KDM4B: variants seen among roughly 807,000 people sequenced by gnomAD.
KDM4B encodes the protein lysine-specific demethylase 4B.
In KDM4B, 32 loss-of-function variants were observed where a neutral mutation model predicts 125.2. That is an observed-to-expected ratio of 0.26 (90% CI 0.19 to 0.34). The LOEUF (loss-of-function observed/expected upper bound fraction) is 0.34, where lower values mean the gene tolerates loss of function less well. KDM4B is among the 10% of genes least tolerant of loss of function. KDM4B has a pLI of 1.00. For synonymous variants in KDM4B, 721 were observed against 677.9 expected, an observed-to-expected ratio of 1.06 and a Z score of -0.99; for missense variants, 1,190 against 1,577.7, an observed-to-expected ratio of 0.75 and a Z score of 4.16.
chr19:5,077,677 G>A (rs2038161970), intron 8 of KDM4B: 2 of 558,170 alleles, frequency 3.6e-6, no homozygotes, highest in East Asian at 6.1e-5. Context: ...CTTGAATCTG[G>A]CGGGGTGTTA....
At chr19:4,980,296 T>C in intron 1 of KDM4B, among the ~76,000 whole-genome samples, 1 of 152,040 alleles carries the variant, frequency 6.6e-6, no homozygotes, top group Non-Finnish European at 1.5e-5. Flanking sequence ...TGGCCTGTCC[T>C]GAACATTTCA....
intron 2 of KDM4B, among the ~76,000 whole-genome samples, chr19:5,032,008 G>A (rs570162481): frequency 9.2e-5 from 14 of 152,308 alleles, no homozygotes; most frequent in South Asian, 2.1e-4. Flanking sequence ...GGATTCTGTC[G>A]TCTTTCTGCC....
At chr19:5,102,598 C>T (rs907312636) in intron 9 of KDM4B, among the ~76,000 whole-genome samples, 7 of 152,148 alleles carry the variant, frequency 4.6e-5, no homozygotes, top group African/African-American at 1.7e-4. Flanking sequence ...TCTGGGGCCA[C>T]TCCCGGTCTC....
intron 11 of KDM4B, among the ~76,000 whole-genome samples, chr19:5,123,535 C>G (rs990634092): frequency 6.6e-6 from 1 of 152,244 alleles, no homozygotes; most frequent in Non-Finnish European, 1.5e-5. Context: ...AGGTGGCACC[C>G]CAGGTCCGGG....
chr19:4,974,496 T>C (rs1431667370), intron 1 of KDM4B, among the ~76,000 whole-genome samples: 1 of 151,874 alleles, frequency 6.6e-6, no homozygotes, highest in African/African-American at 2.4e-5. Context: ...CCCAGCACTT[T>C]GAGAGGCCGA....
At chr19:5,004,603 T>C (rs1047493904) in intron 1 of KDM4B, among the ~76,000 whole-genome samples, 2 of 152,180 alleles carry the variant, frequency 1.3e-5, no homozygotes, top group Non-Finnish European at 1.5e-5. Flanking sequence ...GCCGTGCACG[T>C]TTCAGCTCCC....
chr19:5,134,451 C>T (rs2039613285), intron 14 of KDM4B, among the ~76,000 whole-genome samples: 1 of 152,158 alleles, frequency 6.6e-6, no homozygotes, highest in African/African-American at 2.4e-5. Flanking sequence ...GCCTGTCTAG[C>T]TGAGCTGGGC....
chr19:5,077,592 T>G lies in KDM4B; in HGVS notation c.780+122T>G. On this transcript the variant is annotated intron_variant, in intron 8 of 22. Transcript: ENST00000159111. ...CTGGAGAAGTTTCTAGAACAGTGAT[T>G]AGCATGCCAGAGGAGGGCCGCATGG... is the stretch of plus-strand genomic sequence containing the variant. The G allele has an allele frequency of 7.6e-6, 6 of 793,230 alleles. 1 individual carries two copies. In the South Asian group the frequency reaches 9.6e-5, roughly 13 times the overall value. The allele number at this position is 793,230 out of a possible 1,614,324, so 49.1% of individuals were successfully genotyped here.
At position 5,151,577 on chromosome 19, in the gene KDM4B, T is replaced by G; in HGVS notation, c.*66T>G. ...GCCATGGCATGCCCCGGGCGTTCGC[T>G]TGCTGTGAATTCCTGTCCTCGTGTC... On this transcript the variant is annotated 3_prime_UTR_variant, in exon 23 of 23. Coordinates refer to ENST00000159111, the MANE Select transcript of KDM4B (RefSeq NM_015015.3). The G allele has an allele frequency of 8.0e-7, 1 of 1,244,470 alleles. No homozygotes were observed. Among genetic ancestry groups the G allele is most frequent in the Non-Finnish European group, 1.0e-6 (1 of 979,574 alleles). The allele number at this position is 1,244,470 out of a possible 1,614,324, so 77.1% of individuals were successfully genotyped here. A position where few individuals can be genotyped will look rare whatever the true frequency, so the allele number is the denominator to read the frequency against.
intron 21 of KDM4B, among the ~76,000 whole-genome samples, chr19:5,145,671 C>T (rs1242401314): frequency 6.6e-6 from 1 of 152,160 alleles, no homozygotes; most frequent in African/African-American, 2.4e-5. Flanking sequence ...CTAGAAGCGT[C>T]GCTCCCAAGC....
At chr19:5,021,997 C>T (rs1323419003) in intron 2 of KDM4B, among the ~76,000 whole-genome samples, 1 of 152,126 alleles carries the variant, frequency 6.6e-6, no homozygotes, top group African/African-American at 2.4e-5. Context: ...TTCCGTAGGC[C>T]CCCAAGCAGG....
chr19:5,096,774 C>T (rs1266521324), intron 9 of KDM4B, among the ~76,000 whole-genome samples: 21 of 146,008 alleles, frequency 1.4e-4, no homozygotes, highest in Non-Finnish European at 2.7e-4. Context: ...CGCGTGTTGC[C>T]GTGGCGCCTG....
chr19:5,019,904 A>AGGTGTTGGTGTG (rs1214945485), intron 2 of KDM4B, among the ~76,000 whole-genome samples: 13 of 102,588 alleles, frequency 1.3e-4, no homozygotes, highest in African/African-American at 5.2e-4. Flanking sequence ...GTTAGTGTGC[A>AGGTGTTGGTGTG]GGTGTTGGTG....
In KDM4B at chr19:5,114,302, G is replaced by C. The variant is rs1326374184; in HGVS notation, c.1115+3484G>C. 4 of 1,179,412 alleles carry C rather than the reference G, an allele frequency of 3.4e-6. No homozygotes were observed. The Admixed American group carries it at 9.2e-5, about 27-fold the overall frequency. 73.1% of individuals were successfully genotyped at this position (1,179,412 alleles called of 1,614,324 possible). On this transcript the variant is annotated intron_variant, in intron 10 of 22. Transcript: ENST00000159111. This position sits in a 1 kb window ranked among gnomAD's most constrained non-coding sequence, Gnocchi z 5.8. ...CACTGCTGCTCTGTGAGCCCGGCTG[G>C]GCCCAGGCCTCGTCTCCCCTACCCC...
intron 6 of KDM4B, among the ~76,000 whole-genome samples, chr19:5,048,410 T>G (rs1193439870): frequency 6.6e-6 from 1 of 152,158 alleles, no homozygotes; most frequent in Admixed American, 6.5e-5. Context: ...ACCTGCTGGG[T>G]GCTCCGCGGG....
At position 5,054,470 on chromosome 19, in the gene KDM4B, G is replaced by A. The variant is rs1325170472; in HGVS notation, c.626+6801G>A. 5.3e-5 allele frequency among the ~76,000 whole-genome samples: 8 copies of A among 150,110 alleles called. No individual in the cohort carries two copies. In the East Asian group the frequency reaches 1.2e-3, roughly 22 times the overall value. On this transcript the variant is annotated intron_variant, in intron 6 of 22. Coordinates refer to ENST00000159111, the MANE Select transcript of KDM4B (RefSeq NM_015015.3). ...CCCCTGAGAGAGAGAGAATGTGTGT[G>A]TGTGTGTGTGTGTGTGTGTGCGCGC...
chr19:5,138,221 C>T lies in KDM4B; in HGVS notation c.2550+151C>T, dbSNP rs1221818710. 36 of 606,062 alleles carry T rather than the reference C, an allele frequency of 5.9e-5. 1 individual carries two copies. The East Asian group carries it at 7.5e-4, about 13-fold the overall frequency. The allele number at this position is 606,062 out of a possible 1,614,324, so 37.5% of individuals were successfully genotyped here. ...GCAGCTTTCAGGAAGCCAGTGATCC[C>T]GACTTCAGCAGGTGTGTTATTTTTT... On this transcript the variant is annotated intron_variant, in intron 18 of 22. Transcript: ENST00000159111.
intron 2 of KDM4B, among the ~76,000 whole-genome samples, chr19:5,030,081 G>T (rs62114354): frequency 7.9e-5 from 12 of 152,216 alleles, no homozygotes; most frequent in Non-Finnish European, 1.3e-4. Flanking sequence ...AACCCCACGA[G>T]GTGTGGGGAG....
At chr19:5,059,164 C>T (rs1259059569) in intron 6 of KDM4B, among the ~76,000 whole-genome samples, 2 of 152,210 alleles carry the variant, frequency 1.3e-5, no homozygotes, top group Non-Finnish European at 2.9e-5. Flanking sequence ...TCTCTCCCTT[C>T]GGCGAGGCTG....
Sources: gnomAD v4.1 joint callset for allele counts (sites outside exome capture counted in the v4.1 genomes callset) on GRCh38, gnomAD v4.1.1 for gene constraint, Gnocchi (gnomAD v3.1) non-coding constraint, MANE v1.5 for transcripts, NCBI Gene and HGNC (gene_info 2026-07-23, HGNC 2026-07-21) for gene names.